Variants in ABCC10 observed in about 807,000 individuals in gnomAD.
ABCC10 encodes the protein ATP binding cassette subfamily C member 10, also known as ATP-binding cassette sub-family C member 10.
In ABCC10, 110 loss-of-function variants were observed where a neutral mutation model predicts 143.2. That is an observed-to-expected ratio of 0.77 (90% CI 0.66 to 0.90). The LOEUF (loss-of-function observed/expected upper bound fraction) is 0.90, where lower values mean the gene tolerates loss of function less well. Ranked by LOEUF, ABCC10 falls within the 40% of genes least tolerant of loss-of-function variation. The pLI, the probability that ABCC10 is intolerant of heterozygous loss-of-function variation, is 0.00. For missense variants in ABCC10, 1,700 were observed against 1,900.5 expected (o/e 0.89, Z 1.96); for synonymous variants, 805 against 846.7 (o/e 0.95, Z 0.85).
intron 6 of ABCC10, among the ~76,000 whole-genome samples, chr6:43,437,457 A>G (rs1162449098): frequency 2.9e-5 from 4 of 135,998 alleles, no homozygotes; most frequent in Non-Finnish European, 6.4e-5. Context: ...AAAAAAAAAA[A>G]GGTAAACAGA....
intron 4 of ABCC10, 119 bp downstream of exon 4, chr6:43,434,967 C>G: frequency 9.2e-7 from 1 of 1,088,250 alleles, no homozygotes; most frequent in Non-Finnish European, 1.3e-6. Flanking sequence ...CCTCATCTCT[C>G]AACCAAGGGA....
Position 43,435,836 on chromosome 6 carries a change from A to G in ABCC10, c.1694A>G (p.Lys565Arg), listed in dbSNP as rs1781642189. 11 of 1,614,092 alleles carry G rather than the reference A, an allele frequency of 6.8e-6. No individual in the cohort carries two copies. Among genetic ancestry groups the G allele is most frequent in the African/African-American group, 1.3e-5 (1 of 74,928 alleles). ...PWVINGLLEA[K>R]VSLDRIQLFL... ...GTGATCAATGGTCTCCTGGAGGCCAAAGTGTCCTTGGACCGGATCCAGCTT... is the reference window on the plus strand; with the variant it reads ...GTGATCAATGGTCTCCTGGAGGCCAGAGTGTCCTTGGACCGGATCCAGCTT... The change falls in exon 5 of 22, where the codon AAA becomes AGA. Residue 565 changes from lysine to arginine, a missense_variant. Lys to Arg is a conservative substitution (Grantham distance 26). Coordinates refer to ENST00000372530, the MANE Select transcript of ABCC10 (RefSeq NM_001198934.2).
intron 12 of ABCC10, 35 bp from the exon 13 acceptor site, chr6:43,444,753 C>A (rs777758329): frequency 1.1e-5 from 17 of 1,547,454 alleles, no homozygotes; most frequent in Non-Finnish European, 1.4e-5. Context: ...GGGAGAGGAG[C>A]CTCTTACAGC....
chr6:43,433,047 G>A lies in ABCC10; in HGVS notation c.1067G>A (p.Arg356Gln), dbSNP rs543789317. 1.1e-5 allele frequency: 18 copies of A among 1,614,126 alleles called. No individual in the cohort carries two copies. Among genetic ancestry groups the A allele is most frequent in the African/African-American group, 4.0e-5 (3 of 75,028 alleles). Residue 356 changes from arginine (R) to glutamine (Q), a missense_variant, in exon 3 of 22, where the codon CGG (arginine) becomes CAG (glutamine). Arg to Gln is a conservative substitution (Grantham distance 43). Coordinates refer to ENST00000372530, the MANE Select transcript of ABCC10 (RefSeq NM_001198934.2). ...GTATATAAGGTAACACTTCAGGCACGGGGGGCTGTGCTGAACATCCTGTAC... is the reference window on the plus strand; with the variant it reads ...GTATATAAGGTAACACTTCAGGCACAGGGGGCTGTGCTGAACATCCTGTAC... ...YEVYKVTLQA[R>Q]GAVLNILYCK...
intron 3 of ABCC10, 24 bp downstream of exon 3, chr6:43,433,384 C>T: frequency 1.9e-6 from 3 of 1,581,138 alleles, no homozygotes; most frequent in South Asian, 2.3e-5. Context: ...TGGGGTCCCT[C>T]AGCTATCTGG....
At chr6:43,442,091 C>T in intron 9 of ABCC10, 131 bp downstream of exon 9, 1 of 724,320 alleles carries the variant, frequency 1.4e-6, no homozygotes, top group South Asian at 1.8e-5. Flanking sequence ...TTGCATGTTC[C>T]TGAGGTATTG....
Position 43,429,932 on chromosome 6 carries a change from T to C in ABCC10, c.161+1793T>C, listed in dbSNP as rs553646359. Among the ~76,000 whole-genome samples, 68 of 152,236 alleles carry C rather than the reference T, an allele frequency of 4.5e-4. 1 individual carries two copies. Among genetic ancestry groups the C allele is most frequent in the African/African-American group, 1.2e-3 (51 of 41,544 alleles). On this transcript the variant is annotated intron_variant, in intron 2 of 21. Transcript: ENST00000372530. ...TCCAGCCTGGACGACAAAGCGAGAC[T>C]CTGTCTCAAAAAGAAAAAATTATTT...
At chr6:43,436,031 A>C in intron 5 of ABCC10, 107 bp from the exon 6 acceptor site, 1 of 1,600,632 alleles carries the variant, frequency 6.2e-7, no homozygotes, top group African/African-American at 1.3e-5. Context: ...AGACTCATTT[A>C]GCTTTGGGCA....
At chr6:43,446,600 G>A (rs1783109140) in intron 16 of ABCC10, 154 bp downstream of exon 16, 3 of 985,352 alleles carry the variant, frequency 3.0e-6, no homozygotes, top group Non-Finnish European at 3.6e-6. Context: ...CCCGTTTGGA[G>A]TTGAGGAGAC....
At chr6:43,434,212 G>A (rs1781442659) in intron 3 of ABCC10, among the ~76,000 whole-genome samples, 1 of 152,244 alleles carries the variant, frequency 6.6e-6, no homozygotes, top group African/African-American at 2.4e-5. Flanking sequence ...CAAGCCGGGG[G>A]CCGGAACTGG....
At position 43,447,149 on chromosome 6, in the gene ABCC10, G is replaced by A. The variant is rs1783182693; in HGVS notation, c.3545-99G>A. 4.1e-6 allele frequency: 6 copies of A among 1,452,950 alleles called. No individual in the cohort carries two copies. The East Asian group carries it at 1.1e-4, about 28-fold the overall frequency. 90.0% of individuals were successfully genotyped at this position (1,452,950 alleles called of 1,614,324 possible). ...GCGTGAGCCACCGCGCCCAGCCTCT[G>A]TTGCTTCCTTTAAATGCCAGCAGTC... On this transcript the variant is annotated intron_variant, in intron 16 of 21. Transcript: ENST00000372530.
In ABCC10 at chr6:43,432,802, G is replaced by A; in HGVS notation, c.822G>A (p.Trp274Ter). Residue 274 changes from tryptophan to a stop codon, truncating the protein, a stop_gained, in exon 3 of 22, where the codon TGG becomes TGA. Coordinates refer to ENST00000372530, the MANE Select transcript of ABCC10 (RefSeq NM_001198934.2). LOFTEE classifies it high-confidence loss of function. ...ACTGGCAGGAGGGGGCACGGCTGTG[G>A]AGGGCCTTGTATGGGGCCTTTGGAC... Reference protein sequence around the residue: ...QAHWQEGARLWRALYGAFGRC... With the variant: ...QAHWQEGARL 6.2e-7 allele frequency: 1 copy of A among 1,614,206 alleles called. No homozygotes were observed. Among genetic ancestry groups the A allele is most frequent in the Non-Finnish European group, 8.5e-7 (1 of 1,180,042 alleles).
In ABCC10 at chr6:43,435,745, A is replaced by C; in HGVS notation, c.1609-6A>C. On this transcript the variant is annotated splice_region_variant and splice_polypyrimidine_tract_variant and intron_variant, in intron 4 of 21. Coordinates refer to ENST00000372530, the MANE Select transcript of ABCC10 (RefSeq NM_001198934.2). ...TGGGGCTTCACCCTGCACCCACCTCACTCAGGTGTTCACGGCCCTGGCACT... is the reference window on the plus strand; with the variant it reads ...TGGGGCTTCACCCTGCACCCACCTCCCTCAGGTGTTCACGGCCCTGGCACT... 1 of 1,613,802 alleles carries C rather than the reference A, an allele frequency of 6.2e-7. No homozygotes were observed. Among genetic ancestry groups the C allele is most frequent in the Non-Finnish European group, 8.5e-7 (1 of 1,179,864 alleles).
chr6:43,427,939 A>T, intron 1 of ABCC10, 29 bp from the exon 2 acceptor site: 2 of 1,610,816 alleles, frequency 1.2e-6, no homozygotes, highest in Non-Finnish European at 1.7e-6. Flanking sequence ...GTTACCCTGC[A>T]CAGCCGTCAC....
chr6:43,451,130 G>C (rs930519207), downstream of ABCC10: 3 of 1,614,226 alleles, frequency 1.9e-6, no homozygotes, highest in Middle Eastern at 1.6e-4. This position sits in a 1 kb window ranked among gnomAD's most constrained non-coding sequence, Gnocchi z 4.4. Context: ...CAAGGCAGGT[G>C]GCACCGTTAG....
downstream of ABCC10, chr6:43,451,148 C>T (rs34277104): frequency 1.1e-3 from 1,787 of 1,614,196 alleles, 15 homozygotes; most frequent in African/African-American, 0.02. The surrounding 1 kb of genome is among the most constrained non-coding windows in gnomAD (Gnocchi z 4.4). Flanking sequence ...TAGCACAAGG[C>T]CGCATCAGGC....
intron 9 of ABCC10, among the ~76,000 whole-genome samples, chr6:43,442,577 A>T (rs540383193): frequency 1.6e-4 from 25 of 152,070 alleles, no homozygotes; most frequent in Non-Finnish European, 3.4e-4. Flanking sequence ...GTCTCCAAAA[A>T]AATTTAGCTG....
Position 43,446,364 on chromosome 6 carries a change from G to T in ABCC10, c.3462G>T (p.Arg1154=). 6.2e-7 allele frequency: 1 copy of T among 1,613,744 alleles called. No individual in the cohort carries two copies. Among genetic ancestry groups the T allele is most frequent in the Non-Finnish European group, 8.5e-7 (1 of 1,179,930 alleles). ...CCACAATGCAGTGGCTGGACATTCG[G>T]CTACAGCTCATGGGGGCGGCAGTGG... is the stretch of plus-strand genomic sequence containing the variant. ...TSATMQWLDI[R]LQLMGAAVVS... The change falls in exon 16 of 22, where the codon CGG becomes CGT. Residue 1154 remains arginine, a synonymous_variant. Coordinates refer to ENST00000372530, the MANE Select transcript of ABCC10 (RefSeq NM_001198934.2).
chr6:43,438,181 C>A, intron 7 of ABCC10, 168 bp downstream of exon 7: 2 of 936,412 alleles, frequency 2.1e-6, no homozygotes, highest in Non-Finnish European at 3.2e-6. Flanking sequence ...GCCAAGAAAG[C>A]GAATCATTGT....
Sources: gnomAD v4.1 joint callset for allele counts (sites outside exome capture counted in the v4.1 genomes callset) on GRCh38, gnomAD v4.1.1 for gene constraint, Gnocchi (gnomAD v3.1) non-coding constraint, MANE v1.5 for transcripts, NCBI Gene and HGNC (gene_info 2026-07-23, HGNC 2026-07-21) for gene names.